The following WDR48 variants were observed in gnomAD, a reference collection of about 807,000 sequenced individuals.
WDR48 encodes WD repeat-containing protein 48.
In WDR48, 22 loss-of-function variants were observed where a neutral mutation model predicts 94.0. The observed-to-expected ratio is 0.23, with a 90% confidence interval of 0.17 to 0.33. The LOEUF is 0.33. WDR48 is among the 10% of genes least tolerant of loss of function. The pLI is 1.00. For missense variants in WDR48, 541 were observed against 813.8 expected (o/e 0.66, Z 4.08); for synonymous variants, 278 against 280.5 (o/e 0.99, Z 0.09).
intron 7 of WDR48, among the ~76,000 whole-genome samples, chr3:39,073,139 T>G (rs2034029937): frequency 1.3e-5 from 2 of 152,178 alleles, no homozygotes; most frequent in South Asian, 4.1e-4. Context: ...AAAGCTTTAC[T>G]AAAAGCTTTG....
In WDR48 at chr3:39,084,140, T is replaced by A; in HGVS notation, c.1174-15T>A. On this transcript the variant is annotated splice_polypyrimidine_tract_variant and intron_variant, in intron 11 of 18. Transcript: ENST00000302313. ...CCACTTAATATTGATCATTATACTT[T>A]CTTTTGATGTATAGGCATGTAAAGT... 6.3e-7 allele frequency: 1 copy of A among 1,591,712 alleles called. No individual in the cohort carries two copies. The highest frequency in any genetic ancestry group is 8.6e-7 in the Non-Finnish European group (1 of 1,163,884).
chr3:39,089,362 A>T (rs770960945), intron 16 of WDR48, 44 bp downstream of exon 16: 1 of 1,564,586 alleles, frequency 6.4e-7, no homozygotes. Context: ...TTTTTTTGTA[A>T]CTCATGAAAT....
chr3:39,060,464 G>C (rs1386380169), intron 1 of WDR48, among the ~76,000 whole-genome samples: 1 of 150,366 alleles, frequency 6.7e-6, no homozygotes. Context: ...CATTTTATTT[G>C]TTTTGTCCAT....
intron 7 of WDR48, among the ~76,000 whole-genome samples, chr3:39,071,602 C>T (rs537304234): frequency 4.0e-4 from 61 of 152,222 alleles, no homozygotes; most frequent in Non-Finnish European, 7.9e-4. Flanking sequence ...GTTAGAAATG[C>T]ACTTCATCTG....
intron 16 of WDR48, chr3:39,090,655 C>A (rs188382317): frequency 1.3e-5 from 2 of 152,258 alleles, no homozygotes; most frequent in East Asian, 3.9e-4. Context: ...TATTGAAAAT[C>A]TGTCCTTTTT....
intron 11 of WDR48, 58 bp from the exon 12 acceptor site, chr3:39,084,097 C>A: frequency 1.5e-6 from 2 of 1,351,486 alleles, no homozygotes; most frequent in Admixed American, 1.9e-5. Flanking sequence ...ATAGCAAAGT[C>A]AGAATCAAGT....
intron 17 of WDR48, among the ~76,000 whole-genome samples, chr3:39,093,234 C>A (rs2035179161): frequency 6.6e-6 from 1 of 152,190 alleles, no homozygotes; most frequent in African/African-American, 2.4e-5. Flanking sequence ...GAAAATTGAG[C>A]ACTAAGAGTG....
intron 14 of WDR48, among the ~76,000 whole-genome samples, chr3:39,087,623 A>G (rs540569837): frequency 1.3e-5 from 2 of 152,332 alleles, no homozygotes; most frequent in South Asian, 4.1e-4. Context: ...CGTCTCAAAG[A>G]AAAAACAACA....
intron 13 of WDR48, 41 bp downstream of exon 13, chr3:39,084,782 G>A: frequency 6.4e-7 from 1 of 1,563,194 alleles, no homozygotes. Flanking sequence ...CCCTTCTAAA[G>A]AGAAGATGAA....
At chr3:39,084,874 A>C in intron 13 of WDR48, 133 bp downstream of exon 13, 1 of 632,782 alleles carries the variant, frequency 1.6e-6, no homozygotes, top group Non-Finnish European at 2.7e-6. Context: ...TGTGGTATGT[A>C]CAAATACCTA....
chr3:39,055,167 C>A (rs901902097), intron 1 of WDR48, among the ~76,000 whole-genome samples: 1 of 152,168 alleles, frequency 6.6e-6, no homozygotes, highest in African/African-American at 2.4e-5. Context: ...CCAAGACAAA[C>A]CCTTGAGACT....
Position 39,074,954 on chromosome 3 carries a change from T to C in WDR48, c.897+4T>C, listed in dbSNP as rs753118357. 5.0e-6 allele frequency: 8 copies of C among 1,612,734 alleles called. No homozygotes were observed. The highest frequency in any genetic ancestry group is 6.8e-6 in the Non-Finnish European group (8 of 1,179,466). ...AGAAAAAGCACCAGTTCTCAAGGTA[T>C]GTCATATGTTAATATTTTAGTTTTA... is the stretch of plus-strand genomic sequence containing the variant. On this transcript the variant is annotated splice_donor_region_variant and intron_variant, in intron 8 of 18. Transcript: ENST00000302313.
chr3:39,088,848 A>G (rs1426674865), intron 15 of WDR48, among the ~76,000 whole-genome samples: 9 of 152,224 alleles, frequency 5.9e-5, no homozygotes, highest in African/African-American at 1.2e-4. Flanking sequence ...AGGATTATCT[A>G]TCTTTCTGAT....
In WDR48 at chr3:39,079,693, G is replaced by GTT; in HGVS notation, c.1076-10_1076-9dup. 5.5e-6 allele frequency: 8 copies of GTT among 1,442,546 alleles called. No individual in the cohort carries two copies. The highest frequency in any genetic ancestry group is 2.5e-5 in the East Asian group (1 of 39,712). 89.4% of individuals were successfully genotyped at this position (1,442,546 alleles called of 1,614,324 possible). A position where few individuals can be genotyped will look rare whatever the true frequency, so the allele number is the denominator to read the frequency against. On this transcript the variant is annotated splice_polypyrimidine_tract_variant and intron_variant, in intron 10 of 18. Transcript: ENST00000302313. The stretch of plus-strand genomic sequence containing the variant: ...GTAGAAAGATTGTTTTACCAATTGT[G>GTT]TTTTTTTTTCCCATTAGGGGGTGCT...
chr3:39,093,054 G>A (rs528459159), intron 17 of WDR48, among the ~76,000 whole-genome samples: 7 of 152,314 alleles, frequency 4.6e-5, no homozygotes, highest in African/African-American at 1.7e-4. Flanking sequence ...GATGAGTCTA[G>A]TTTGGGACAT....
intron 8 of WDR48, among the ~76,000 whole-genome samples, 157 bp from the exon 9 acceptor site, chr3:39,076,980 ACT>A (rs1186250460): frequency 2.0e-5 from 3 of 152,042 alleles, no homozygotes; most frequent in South Asian, 4.1e-4. Context: ...AAAGAAAAAG[ACT>A]CTCTCATTTT....
At chr3:39,062,982 T>C (rs1239030466) in intron 1 of WDR48, 68 bp from the exon 2 acceptor site, 47 of 1,575,778 alleles carry the variant, frequency 3.0e-5, no homozygotes, top group Non-Finnish European at 4.0e-5. Flanking sequence ...GATTGGCCAC[T>C]AGTAGACTAT....
At position 39,085,587 on chromosome 3, in the gene WDR48, A is replaced by G; in HGVS notation, c.1451A>G (p.Glu484Gly). The change falls in exon 14 of 19, where the codon GAA becomes GGA. Residue 484 changes from glutamate (E) to glycine (G), a missense_variant. Around this residue, in one of 5 missense-constraint regions of WDR48, gnomAD observed 238 missense variants for 285.3 expected, o/e 0.83. Transcript: ENST00000302313. Reference sequence around the variant, plus strand: ...AGAACACATGTGAATCCAATGGATGAAGAGGAAAATGAAGTAAACCATGGT... The same window carrying G: ...AGAACACATGTGAATCCAATGGATGGAGAGGAAAATGAAGTAAACCATGGT... Reference protein sequence around the residue: ...WPRTHVNPMDEEENEVNHVNG... With the variant: ...WPRTHVNPMDGEENEVNHVNG... The G allele has an allele frequency of 6.2e-7, 1 of 1,611,732 alleles. No homozygotes were observed. Among genetic ancestry groups the G allele is most frequent in the Non-Finnish European group, 8.5e-7 (1 of 1,179,354 alleles).
In WDR48 at chr3:39,095,326, A is replaced by G. The variant is rs1194232906; in HGVS notation, c.*583A>G. The stretch of plus-strand genomic sequence containing the variant: ...AAAGATTAATGTTGGGCTTGTTGTT[A>G]ATATTGCATCTCAGATGTGTTCTTG... On this transcript the variant is annotated 3_prime_UTR_variant, in exon 19 of 19. Transcript: ENST00000302313. The G allele has an allele frequency of 6.5e-6, 1 of 153,776 alleles. No individual in the cohort carries two copies. Among genetic ancestry groups the G allele is most frequent in the Non-Finnish European group, 1.5e-5 (1 of 68,816 alleles). The allele number at this position is 153,776 out of a possible 1,614,324, so 9.5% of individuals were successfully genotyped here.
Sources: allele counts gnomAD v4.1 joint callset (sites outside exome capture counted in the v4.1 genomes callset), GRCh38; gene constraint gnomAD v4.1.1; regional missense constraint gnomAD v4.1.1; transcripts MANE v1.5; gene names NCBI Gene and HGNC (gene_info 2026-07-23, HGNC 2026-07-21).